Variants in ABCA13 observed in about 807,000 individuals in gnomAD.
The protein encoded by ABCA13 is ATP binding cassette subfamily A member 13, also known as ATP-binding cassette sub-family A member 13.
In ABCA13, 476 loss-of-function variants were observed where a neutral mutation model predicts 478.7. The observed-to-expected ratio is 0.99, with a 90% confidence interval of 0.92 to 1.07. The LOEUF (loss-of-function observed/expected upper bound fraction) is 1.07. ABCA13 is among the 50% of genes least tolerant of loss of function. ABCA13 has a pLI of 0.00. For missense variants in ABCA13, 6,060 were observed against 5,910.6 expected, an observed-to-expected ratio of 1.03 and a Z score of -0.83; for synonymous variants, 2,252 against 2,158.9, an observed-to-expected ratio of 1.04 and a Z score of -1.20.
chr7:48,203,607 C>A (rs1371158524), intron 3 of ABCA13, among the ~76,000 whole-genome samples: 1 of 146,906 alleles, frequency 6.8e-6, no homozygotes, highest in Non-Finnish European at 1.5e-5. Flanking sequence ...GGGGGGTTTC[C>A]CCTTCATTTT....
At chr7:48,174,705 T>C (rs187836198) in intron 1 of ABCA13, among the ~76,000 whole-genome samples, 116 of 152,288 alleles carry the variant, frequency 7.6e-4, no homozygotes, top group Non-Finnish European at 1.2e-3. Context: ...TTATCCTAAT[T>C]AACTTTTGTG....
In ABCA13 at chr7:48,644,755, G is replaced by T; in HGVS notation, c.15081+1G>T. On this transcript the variant is annotated splice_donor_variant, in intron 61 of 61. Coordinates refer to ENST00000435803, the MANE Select transcript of ABCA13 (RefSeq NM_152701.5). LOFTEE classifies it high-confidence loss of function. ...CATTAACCAAACCACTTTGGAGCAG[G>T]TATAGTATCTTGAATGATTCAGGAG... is the stretch of plus-strand genomic sequence containing the variant. 1 of 1,592,094 alleles carries T rather than the reference G, an allele frequency of 6.3e-7. No individual in the cohort carries two copies. Among genetic ancestry groups the T allele is most frequent in the Non-Finnish European group, 8.5e-7 (1 of 1,172,542 alleles).
chr7:48,293,239 G>A (rs945820798), intron 20 of ABCA13, among the ~76,000 whole-genome samples: 3 of 143,324 alleles, frequency 2.1e-5, no homozygotes, highest in African/African-American at 7.6e-5. Context: ...GCTCTGCTGG[G>A]GGGCTCCATC....
chr7:48,577,643 T>A (rs1788307811), intron 55 of ABCA13, among the ~76,000 whole-genome samples: 1 of 152,160 alleles, frequency 6.6e-6, no homozygotes, highest in African/African-American at 2.4e-5. Context: ...TGGTGAATTC[T>A]ACCATTTAAG....
chr7:48,559,229 G>A (rs1354995706), intron 55 of ABCA13, among the ~76,000 whole-genome samples: 1 of 152,132 alleles, frequency 6.6e-6, no homozygotes, highest in Non-Finnish European at 1.5e-5. Context: ...CGGCTAAGCT[G>A]GCTGTCAAAC....
intron 27 of ABCA13, 55 bp from the exon 28 acceptor site, chr7:48,335,367 T>C: frequency 7.5e-7 from 1 of 1,332,614 alleles, no homozygotes; most frequent in Non-Finnish European, 1.0e-6. Context: ...TTGGAAGATT[T>C]ATCTTAATAT....
chr7:48,188,905 C>A (rs1274187855), intron 1 of ABCA13, among the ~76,000 whole-genome samples: 3 of 152,122 alleles, frequency 2.0e-5, no homozygotes, highest in African/African-American at 7.2e-5. Flanking sequence ...AAGTGCCTTG[C>A]GGATGGGAAG....
rs1327962819 is a variant in ABCA13, at chr7:48,410,586, T to C, written c.12137T>C (p.Val4046Ala). ...GAAGCGCTGAGTGACCGCGTGGCCG[T>C]CCTCCAGCATGGGAGGCTCAGGTGC... ...EAEALSDRVAVLQHGRLRCCG... is the reference protein window; with the variant it reads ...EAEALSDRVAALQHGRLRCCG... The change falls in exon 40 of 62, where the codon GTC becomes GCC. Residue 4046 changes from valine to alanine, a missense_variant. Physicochemically the swap from Val to Ala is moderately conservative, Grantham distance 64. This residue lies in a region of ABCA13 where 1,627 missense variants were observed against 1,571.0 expected (regional missense o/e 1.04). Coordinates refer to ENST00000435803, the MANE Select transcript of ABCA13 (RefSeq NM_152701.5). 6.2e-7 allele frequency: 1 copy of C among 1,613,950 alleles called. No homozygotes were observed. The highest frequency in any genetic ancestry group is 2.2e-5 in the East Asian group (1 of 44,864).
At chr7:48,486,982 G>A (rs1426100073) in intron 47 of ABCA13, among the ~76,000 whole-genome samples, 3 of 152,176 alleles carry the variant, frequency 2.0e-5, no homozygotes, top group Admixed American at 1.3e-4. Flanking sequence ...TGGATACAGG[G>A]ATGGTGAAGA....
At chr7:48,192,930 G>T in intron 1 of ABCA13, 29 bp from the exon 2 acceptor site, 1 of 1,270,874 alleles carries the variant, frequency 7.9e-7, no homozygotes. Context: ...ATTTATTCAG[G>T]TGATTTTTTT....
chr7:48,314,478 T>C, intron 26 of ABCA13, 69 bp downstream of exon 26: 1 of 1,335,780 alleles, frequency 7.5e-7, no homozygotes, highest in Non-Finnish European at 1.0e-6. Flanking sequence ...CCTTAAATTA[T>C]AGTAAGTATT....
chr7:48,241,707 A>G (rs1007719888), intron 10 of ABCA13, among the ~76,000 whole-genome samples: 5 of 152,226 alleles, frequency 3.3e-5, no homozygotes, highest in African/African-American at 9.6e-5. Context: ...AAAAATGTGC[A>G]TTTCAAACCA....
At chr7:48,411,828 A>G (rs1271952178) in intron 40 of ABCA13, among the ~76,000 whole-genome samples, 2 of 152,046 alleles carry the variant, frequency 1.3e-5, no homozygotes, top group Non-Finnish European at 2.9e-5. Context: ...ACTCTTGATG[A>G]CTGTATTTGA....
intron 31 of ABCA13, among the ~76,000 whole-genome samples, chr7:48,363,457 C>G (rs1334616948): frequency 2.6e-5 from 4 of 152,050 alleles, no homozygotes; most frequent in Non-Finnish European, 4.4e-5. Context: ...GATGACAAGA[C>G]AAGTCCTTTG....
intron 38 of ABCA13, among the ~76,000 whole-genome samples, chr7:48,398,184 A>G (rs1817108506): frequency 6.6e-6 from 1 of 152,236 alleles, no homozygotes; most frequent in Non-Finnish European, 1.5e-5. Flanking sequence ...TGATTTCTTT[A>G]AAACAAGTCA....
intron 7 of ABCA13, among the ~76,000 whole-genome samples, chr7:48,232,903 G>T (rs1045325213): frequency 6.6e-6 from 1 of 152,134 alleles, no homozygotes; most frequent in African/African-American, 2.4e-5. Flanking sequence ...CTAAGAAAAA[G>T]GGGATAATTA....
At chr7:48,290,940 GAAAAAAAAAAAAA>G (rs57470116) in intron 20 of ABCA13, among the ~76,000 whole-genome samples, 4 of 48,834 alleles carry the variant, frequency 8.2e-5, no homozygotes, top group South Asian at 9.9e-4. Flanking sequence ...CACACTCAGG[GAAAAAAAAAAAAA>G]AAAAAAAAAA....
At chr7:48,632,972 T>G (rs558809852) in intron 59 of ABCA13, among the ~76,000 whole-genome samples, 74 of 152,272 alleles carry the variant, frequency 4.9e-4, no homozygotes, top group Non-Finnish European at 6.5e-4. Flanking sequence ...TGTAAAACTC[T>G]TAGAAGAAAA....
chr7:48,433,228 G>A lies in ABCA13; in HGVS notation c.12565+5357G>A, dbSNP rs145461724. Reference sequence around the variant, plus strand: ...GCTGGTAATGGAGTTTGCCTCTAGGGGAGGAAACTGAGTAGCTGAAGGATT... The same window carrying A: ...GCTGGTAATGGAGTTTGCCTCTAGGAGAGGAAACTGAGTAGCTGAAGGATT... On this transcript the variant is annotated intron_variant, in intron 42 of 61. Transcript: ENST00000435803. 4.6e-3 allele frequency among the ~76,000 whole-genome samples: 697 copies of A among 151,816 alleles called. 2 individuals carry two copies. The highest frequency in any genetic ancestry group is 0.016 in the African/African-American group (678 of 41,442).
Sources: gnomAD v4.1 joint callset for allele counts (sites outside exome capture counted in the v4.1 genomes callset) on GRCh38, gnomAD v4.1.1 for gene constraint, gnomAD v4.1.1 regional missense constraint, MANE v1.5 for transcripts, NCBI Gene and HGNC (gene_info 2026-07-23, HGNC 2026-07-21) for gene names.